ROR2: variants seen among roughly 807,000 people sequenced by gnomAD.
ROR2 encodes the protein ROR family WNT receptor 2, also known as tyrosine-protein kinase transmembrane receptor ROR2.
In ROR2, 33 loss-of-function variants were observed where a neutral mutation model predicts 74.9. That is an observed-to-expected ratio of 0.44 (90% CI 0.33 to 0.59). The LOEUF (loss-of-function observed/expected upper bound fraction) is 0.59, where lower values mean the gene tolerates loss of function less well. Ranked by LOEUF, ROR2 falls within the 20% of genes least tolerant of loss-of-function variation. The pLI is 0.02. For synonymous variants in ROR2, 586 were observed against 558.7 expected (o/e 1.05, Z -0.69); for missense variants, 1,216 against 1,313.8 (o/e 0.93, Z 1.15).
chr9:91,906,099 C>G (rs1009791853), intron 1 of ROR2, among the ~76,000 whole-genome samples: 2 of 151,998 alleles, frequency 1.3e-5, no homozygotes, highest in Non-Finnish European at 2.9e-5. Flanking sequence ...ACACCAAAAC[C>G]CTGAGAGGCG....
rs75463621 is a variant in ROR2, at chr9:91,781,728, C to G, written c.98-5910G>C. On this transcript the variant is annotated intron_variant, in intron 1 of 8. Transcript: ENST00000375708. ...CTTTGAGTTGAGTAAATACTAGCCT[C>G]TGTTCTTATATTCCTTCAAGGGCTG... Among the ~76,000 whole-genome samples, 3 of 152,306 alleles carry G rather than the reference C, an allele frequency of 2.0e-5. No individual in the cohort carries two copies. The East Asian group carries it at 5.8e-4, about 29-fold the overall frequency.
chr9:91,819,289 G>A (rs1020608294), intron 1 of ROR2, among the ~76,000 whole-genome samples: 15 of 152,242 alleles, frequency 9.9e-5, no homozygotes, highest in African/African-American at 3.6e-4. Context: ...GCTCCTAGCA[G>A]AGCTGTCGCT....
At chr9:91,914,756 T>C (rs1021596271) in intron 1 of ROR2, among the ~76,000 whole-genome samples, 1 of 152,022 alleles carries the variant, frequency 6.6e-6, no homozygotes, top group Admixed American at 6.5e-5. Flanking sequence ...CCACGGCAGG[T>C]GTAGATCTGT....
chr9:91,884,391 G>C (rs966080890), intron 1 of ROR2, among the ~76,000 whole-genome samples: 1 of 151,806 alleles, frequency 6.6e-6, no homozygotes, highest in African/African-American at 2.4e-5. Flanking sequence ...GGAGTCATGG[G>C]GGGTGGGGGG....
rs72432798 is a variant in ROR2 at position 91,745,426 on chromosome 9, A to ATTTTTTTTT, written c.495-7917_495-7909dup. Among the ~76,000 whole-genome samples the ATTTTTTTTT allele has an allele frequency of 6.0e-5, 6 of 99,758 alleles. 1 individual carries two copies. Among genetic ancestry groups the ATTTTTTTTT allele is most frequent in the Non-Finnish European group, 9.2e-5 (5 of 54,428 alleles). The allele number at this position is 99,758 out of a possible 152,430, so 65.4% of individuals were successfully genotyped here. On this transcript the variant is annotated intron_variant, in intron 4 of 8. Coordinates refer to ENST00000375708, the MANE Select transcript of ROR2 (RefSeq NM_004560.4). ...AGGCATGAGCCACCATGCCCAGCCTATTTTTTTTTTTTTTTTTTTTTGAGA... is the reference window on the plus strand; with the variant it reads ...AGGCATGAGCCACCATGCCCAGCCTATTTTTTTTTTTTTTTTTTTTTTTTTTTTTTGAGA...
intron 1 of ROR2, among the ~76,000 whole-genome samples, chr9:91,825,227 A>G (rs1354308123): frequency 6.6e-6 from 1 of 152,196 alleles, no homozygotes; most frequent in African/African-American, 2.4e-5. Context: ...GAGGACACGC[A>G]ATAAAGTTAA....
At chr9:91,887,106 C>G (rs1740428363) in intron 1 of ROR2, 1 of 152,210 alleles carries the variant, frequency 6.6e-6, no homozygotes, top group Non-Finnish European at 1.5e-5. Flanking sequence ...AGGTGACAGC[C>G]TCCCATCCTA....
intron 4 of ROR2, among the ~76,000 whole-genome samples, chr9:91,752,130 C>G (rs968068932): frequency 2.0e-5 from 3 of 152,234 alleles, no homozygotes; most frequent in African/African-American, 7.2e-5. Context: ...CATCACAAGT[C>G]TCCCACACTG....
At chr9:91,854,619 C>A (rs994816004) in intron 1 of ROR2, among the ~76,000 whole-genome samples, 1 of 152,144 alleles carries the variant, frequency 6.6e-6, no homozygotes, top group Admixed American at 6.6e-5. Context: ...TTTAAGGAGC[C>A]GAGGTCACGT....
chr9:91,900,410 C>A (rs1363425670), intron 1 of ROR2, among the ~76,000 whole-genome samples: 1 of 152,240 alleles, frequency 6.6e-6, no homozygotes, highest in Non-Finnish European at 1.5e-5. Flanking sequence ...GGCCCCCCCA[C>A]GCAGGGAACG....
In ROR2 at chr9:91,764,432, A is replaced by C. The variant is rs539033971; in HGVS notation, c.176-6873T>G. On this transcript the variant is annotated intron_variant, in intron 2 of 8. Coordinates refer to ENST00000375708, the MANE Select transcript of ROR2 (RefSeq NM_004560.4). ...CTTCTATTGGATTTTTAAATGCTCC[A>C]TTTTTCCCCTCTGCTTATTTGAAAG... Among the ~76,000 whole-genome samples the C allele has an allele frequency of 3.3e-5, 5 of 151,610 alleles. No individual in the cohort carries two copies. The East Asian group carries it at 9.7e-4, about 29-fold the overall frequency.
rs192986087 is a variant in ROR2 at position 91,752,064 on chromosome 9, C to T, written c.494+4007G>A. 3.7e-4 allele frequency among the ~76,000 whole-genome samples: 57 copies of T among 152,204 alleles called. No homozygotes were observed. The East Asian group carries it at 8.3e-3, about 22-fold the overall frequency. ...AAATCACTTGAATCACTGCATACACCGGAATAGCTACACTTAAAAAGGCTG... is the reference window on the plus strand; with the variant it reads ...AAATCACTTGAATCACTGCATACACTGGAATAGCTACACTTAAAAAGGCTG... On this transcript the variant is annotated intron_variant, in intron 4 of 8. Transcript: ENST00000375708.
At chr9:91,874,452 A>G (rs1243095626) in intron 1 of ROR2, among the ~76,000 whole-genome samples, 1 of 152,234 alleles carries the variant, frequency 6.6e-6, no homozygotes, top group African/African-American at 2.4e-5. Flanking sequence ...TTTATCTAGA[A>G]AAACTAAGTT....
intron 1 of ROR2, among the ~76,000 whole-genome samples, chr9:91,882,321 G>C (rs759356146): frequency 6.6e-6 from 1 of 151,302 alleles, no homozygotes; most frequent in African/African-American, 2.4e-5. Context: ...TGAGGCAGGA[G>C]AATCACTTGA....
In ROR2 at chr9:91,733,077, A is replaced by G. The variant is rs1448181010; in HGVS notation, c.937+45T>C. The G allele has an allele frequency of 3.9e-6, 6 of 1,527,480 alleles. No homozygotes were observed. The highest frequency in any genetic ancestry group is 3.5e-6 in the Non-Finnish European group (4 of 1,136,404). The allele number at this position is 1,527,480 out of a possible 1,614,324, so 94.6% of individuals were successfully genotyped here. A position where few individuals can be genotyped will look rare whatever the true frequency, so the allele number is the denominator to read the frequency against. On this transcript the variant is annotated intron_variant, in intron 6 of 8. Transcript: ENST00000375708. The surrounding 1 kb of genome is among the most constrained non-coding windows in gnomAD (Gnocchi z 5.7). Reference sequence around the variant, plus strand: ...CCCATACACATTTCAAGGGCCCTACACTCCCTGCGCCCCCCGGTCCCGCCC... The same window carrying G: ...CCCATACACATTTCAAGGGCCCTACGCTCCCTGCGCCCCCCGGTCCCGCCC...
intron 1 of ROR2, among the ~76,000 whole-genome samples, chr9:91,915,659 G>A (rs1831110562): frequency 6.6e-6 from 1 of 151,964 alleles, no homozygotes; most frequent in Admixed American, 6.6e-5. Context: ...GGGGGGCGGG[G>A]GGAGGTGGCC....
intron 1 of ROR2, among the ~76,000 whole-genome samples, chr9:91,915,269 C>A (rs1203302437): frequency 2.0e-5 from 3 of 152,166 alleles, no homozygotes; most frequent in Non-Finnish European, 2.9e-5. Context: ...CCAACAGCAG[C>A]CCCCTTTTAA....
At chr9:91,828,432 G>A (rs983010335) in intron 1 of ROR2, among the ~76,000 whole-genome samples, 17 of 152,070 alleles carry the variant, frequency 1.1e-4, no homozygotes, top group Admixed American at 5.9e-4. Context: ...ACATATTCTC[G>A]GCAGGGTGCG....
At chr9:91,806,675 T>C (rs529821819) in intron 1 of ROR2, among the ~76,000 whole-genome samples, 334 of 152,304 alleles carry the variant, frequency 2.2e-3, no homozygotes, top group Non-Finnish European at 3.2e-3. Flanking sequence ...CTACAAGCTC[T>C]GCCTCCCGGG....
Sources: allele counts gnomAD v4.1 joint callset (sites outside exome capture counted in the v4.1 genomes callset), GRCh38; gene constraint gnomAD v4.1.1; non-coding constraint Gnocchi (gnomAD v3.1); transcripts MANE v1.5; gene names NCBI Gene and HGNC (gene_info 2026-07-23, HGNC 2026-07-21).